Variants in SIRPG observed in about 807,000 individuals in gnomAD.
SIRPG encodes the protein signal regulatory protein gamma, also known as signal-regulatory protein gamma.
SIRPG carries 38 observed loss-of-function variants against 35.7 expected under a neutral mutation model. The ratio of observed to expected loss-of-function variants is 1.06; its 90% CI spans 0.82 to 1.40. The LOEUF (loss-of-function observed/expected upper bound fraction) is 1.40. SIRPG is among the 40% of genes most tolerant of loss of function. SIRPG has a pLI of 0.00. For synonymous variants in SIRPG, 215 were observed against 190.4 expected (o/e 1.13, Z -1.06); for missense variants, 519 against 483.0 (o/e 1.07, Z -0.70).
At chr20:1,680,313 A>T in the SIRPG span, among the ~76,000 whole-genome samples, 1 of 152,186 alleles carries the variant, frequency 6.6e-6, no homozygotes, top group Admixed American at 6.5e-5. Context: ...CCATTAAAAC[A>T]ACAAATGACT....
At chr20:1,644,484 G>C (rs1334315640) in intron 2 of SIRPG, among the ~76,000 whole-genome samples, 1 of 152,238 alleles carries the variant, frequency 6.6e-6, no homozygotes, top group South Asian at 2.1e-4. Flanking sequence ...TGGGAACTTA[G>C]TGTGTTAGGC....
At position 1,649,158 on chromosome 20, in the gene SIRPG, G is replaced by A. The variant is rs1012000183; in HGVS notation, c.324C>T (p.Ser108=). The A allele has an allele frequency of 1.9e-6, 3 of 1,613,976 alleles. No individual in the cohort carries two copies. The highest frequency in any genetic ancestry group is 2.7e-5 in the African/African-American group (2 of 74,898). Residue 108 remains serine (S), a synonymous_variant, in exon 2 of 6, where the codon AGC becomes AGT. Transcript: ENST00000303415. ...ATGTGCCGACATCTGCTGGGGTGAT[G>A]CTACTGATGCGGATGGAAAAGTCCA... The part of the protein sequence containing the change: ...NNMDFSIRIS[S]ITPADVGTYY...
At chr20:1,668,896 C>T in the SIRPG span, among the ~76,000 whole-genome samples, 1 of 152,056 alleles carries the variant, frequency 6.6e-6, no homozygotes, top group Non-Finnish European at 1.5e-5. Context: ...ATTGTTTGTC[C>T]TTCACTTCCT....
At chr20:1,638,776 C>A (rs1413380653) in intron 2 of SIRPG, among the ~76,000 whole-genome samples, 1 of 141,308 alleles carries the variant, frequency 7.1e-6, no homozygotes, top group Non-Finnish European at 1.5e-5. Context: ...CCTCACCCCC[C>A]CACCCCTTGA....
intron 2 of SIRPG, among the ~76,000 whole-genome samples, chr20:1,645,141 C>A (rs117990812): frequency 2.6e-5 from 4 of 152,214 alleles, no homozygotes; most frequent in Non-Finnish European, 5.9e-5. Flanking sequence ...GGGCTTTATC[C>A]GGAAACTCTA....
intron 2 of SIRPG, 122 bp downstream of exon 2, chr20:1,648,930 G>T (rs2091917096): frequency 3.3e-6 from 3 of 913,448 alleles, no homozygotes; most frequent in Non-Finnish European, 3.5e-6. Flanking sequence ...AGAAGGGGGT[G>T]ACAACAGGTC....
the SIRPG span, among the ~76,000 whole-genome samples, chr20:1,665,914 A>AAG: frequency 2.0e-5 from 3 of 152,168 alleles, no homozygotes; most frequent in African/African-American, 7.2e-5. Context: ...TATATAAAAA[A>AAG]AAGAGCCTCA....
chr20:1,683,679 G>A, the SIRPG span, among the ~76,000 whole-genome samples: 1 of 152,122 alleles, frequency 6.6e-6, no homozygotes, highest in Non-Finnish European at 1.5e-5. Flanking sequence ...ATCTAAAAAA[G>A]TTGAACTCAC....
At chr20:1,671,875 G>A in the SIRPG span, among the ~76,000 whole-genome samples, 1 of 152,204 alleles carries the variant, frequency 6.6e-6, no homozygotes, top group Non-Finnish European at 1.5e-5. Context: ...CCCTGGGTGG[G>A]CCAGGTGTTC....
chr20:1,645,110 C>A (rs1319192668), intron 2 of SIRPG, among the ~76,000 whole-genome samples: 1 of 152,140 alleles, frequency 6.6e-6, no homozygotes, highest in Non-Finnish European at 1.5e-5. Context: ...GGTCCTCCAG[C>A]ACTGAGGCTG....
At chr20:1,675,454 G>T in the SIRPG span, among the ~76,000 whole-genome samples, 1 of 152,122 alleles carries the variant, frequency 6.6e-6, no homozygotes, top group Non-Finnish European at 1.5e-5. Flanking sequence ...TTGTTTGTTT[G>T]GTGTTGAATG....
chr20:1,668,295 C>CT, the SIRPG span, among the ~76,000 whole-genome samples: 3 of 120,826 alleles, frequency 2.5e-5, no homozygotes, highest in Admixed American at 8.3e-5. Context: ...TTCTTTCTTT[C>CT]TTTTTTTGAC....
At chr20:1,648,274 C>T (rs759406974) in intron 2 of SIRPG, 1 of 152,232 alleles carries the variant, frequency 6.6e-6, no homozygotes, top group African/African-American at 2.4e-5. Context: ...TGACCCAGCT[C>T]TGCTCAGAGC....
chr20:1,632,263 T>C (rs973145221), intron 4 of SIRPG, among the ~76,000 whole-genome samples: 1 of 152,146 alleles, frequency 6.6e-6, no homozygotes, highest in Admixed American at 6.5e-5. Flanking sequence ...CAAAGTAAGT[T>C]CTGCACAACC....
chr20:1,678,706 G>C, the SIRPG span, among the ~76,000 whole-genome samples: 30 of 152,260 alleles, frequency 2.0e-4, no homozygotes, highest in African/African-American at 7.0e-4. Flanking sequence ...TAAAATACAT[G>C]AATCTACAAG....
At chr20:1,637,749 G>A (rs1352244065) in intron 2 of SIRPG, 1 of 152,162 alleles carries the variant, frequency 6.6e-6, no homozygotes, top group Non-Finnish European at 1.5e-5. Flanking sequence ...AAAGGTGGGT[G>A]ATTTCTTCAT....
the SIRPG span, among the ~76,000 whole-genome samples, chr20:1,675,614 C>G: frequency 6.6e-6 from 1 of 152,156 alleles, no homozygotes; most frequent in Admixed American, 6.5e-5. Flanking sequence ...ACCTGCTCAC[C>G]ACTCAGGTCT....
At chr20:1,675,013 C>T in the SIRPG span, among the ~76,000 whole-genome samples, 10 of 152,152 alleles carry the variant, frequency 6.6e-5, no homozygotes, top group African/African-American at 2.4e-4. Flanking sequence ...ACACTGACTG[C>T]ACACCCAATT....
chr20:1,645,646 G>T (rs115717911), intron 2 of SIRPG, among the ~76,000 whole-genome samples: 1 of 152,138 alleles, frequency 6.6e-6, no homozygotes, highest in Non-Finnish European at 1.5e-5. Flanking sequence ...CTGTGATGTC[G>T]GTGTTATCAT....
Sources: gnomAD v4.1 joint callset for allele counts (sites outside exome capture counted in the v4.1 genomes callset) on GRCh38, gnomAD v4.1.1 for gene constraint, MANE v1.5 for transcripts, NCBI Gene and HGNC (gene_info 2026-07-23, HGNC 2026-07-21) for gene names.